Variants in LZTR1 observed in about 807,000 individuals in gnomAD.
The protein encoded by LZTR1 is leucine zipper like post translational regulator 1.
LZTR1 carries 260 observed loss-of-function variants against 105.7 expected under a neutral mutation model. The ratio of observed to expected loss-of-function variants is 2.46; its 90% CI spans 2.22 to 2.72. The LOEUF (loss-of-function observed/expected upper bound fraction) is 2.72. Ranked by LOEUF, LZTR1 falls within the 30% of genes most tolerant of loss-of-function variation. The probability of loss-of-function intolerance (pLI) is 0.00; values close to 1 mark genes in which losing one functional copy is unlikely to be tolerated. For synonymous variants in LZTR1, 490 were observed against 476.4 expected, an observed-to-expected ratio of 1.03 and a Z score of -0.37; for missense variants, 1,214 against 1,166.9, an observed-to-expected ratio of 1.04 and a Z score of -0.59.
chr22:20,989,503 C>T (rs772470664), intron 6 of LZTR1, 122 bp from the exon 7 acceptor site: 54 of 831,140 alleles, frequency 6.5e-5, no homozygotes, highest in African/African-American at 8.3e-5. Context: ...GCCTCATGGC[C>T]GCACAAGTCT....
In LZTR1 at chr22:20,996,117, C is replaced by T. The variant is rs201945127; in HGVS notation, c.2219+5C>T. The T allele has an allele frequency of 6.2e-6, 10 of 1,611,134 alleles. No homozygotes were observed. Among genetic ancestry groups the T allele is most frequent in the Admixed American group, 3.3e-5 (2 of 59,982 alleles). On this transcript the variant is annotated splice_donor_5th_base_variant and intron_variant, in intron 18 of 20. Transcript: ENST00000646124. ...CATGCCGCCCGAGGACTCGCTGCAT[C>T]CTCACTCCCCAGTGAACTCCCAGGT...
chr22:20,987,590 A>G lies in LZTR1; in HGVS notation c.400+7A>G, dbSNP rs182805328. 1.9e-6 allele frequency: 3 copies of G among 1,613,746 alleles called. No individual in the cohort carries two copies. Among genetic ancestry groups the G allele is most frequent in the East Asian group, 2.2e-5 (1 of 44,868 alleles). Reference sequence around the variant, plus strand: ...AGCAGCATGTTTGTCTTTGGTAAGCAGCCTCTTGCCTCCCAGGGGCTGTGT... The same window carrying G: ...AGCAGCATGTTTGTCTTTGGTAAGCGGCCTCTTGCCTCCCAGGGGCTGTGT... On this transcript the variant is annotated splice_region_variant and intron_variant, in intron 4 of 20. Transcript: ENST00000646124.
At chr22:20,986,066 G>T in intron 3 of LZTR1, 169 bp downstream of exon 3, 2 of 678,852 alleles carry the variant, frequency 2.9e-6, no homozygotes, top group Middle Eastern at 3.0e-4. Flanking sequence ...CGCCCTGTCA[G>T]GCTGAGGAGA....
intron 4 of LZTR1, 96 bp downstream of exon 4, chr22:20,987,679 T>C: frequency 7.3e-6 from 8 of 1,102,052 alleles, no homozygotes; most frequent in Non-Finnish European, 1.1e-5. Context: ...TCGTGCTGTG[T>C]ACAGCAGGGG....
At chr22:20,983,924 CCTGCCTCT>C (rs1924286066) in intron 2 of LZTR1, among the ~76,000 whole-genome samples, 1 of 152,214 alleles carries the variant, frequency 6.6e-6, no homozygotes, top group Admixed American at 6.5e-5. Context: ...GTAATGCCTC[CCTGCCTCT>C]CTGAGTAAAA....
Position 20,994,282 on chromosome 22 carries a change from GGGGGTGGAGCAGGGTTGGTGTGGGCT to G in LZTR1, c.1615+20_1615+45del. On this transcript the variant is annotated intron_variant, in intron 14 of 20. Coordinates refer to ENST00000646124, the MANE Select transcript of LZTR1 (RefSeq NM_006767.4). ...TACCCACGGAAAGGTCCGCCTGGGTGGGGGTGGAGCAGGGTTGGTGTGGGCTGGGGTGCGGGCAGCAGAGCCAAAAG... is the reference window on the plus strand; with the variant it reads ...TACCCACGGAAAGGTCCGCCTGGGTGGGGGTGCGGGCAGCAGAGCCAAAAG... 1.3e-6 allele frequency: 2 copies of G among 1,596,364 alleles called. No individual in the cohort carries two copies. The highest frequency in any genetic ancestry group is 1.7e-6 in the Non-Finnish European group (2 of 1,178,436).
Position 20,995,524 on chromosome 22 carries a change from C to T in LZTR1, c.1943-222C>T, listed in dbSNP as rs574979360. On this transcript the variant is annotated intron_variant, in intron 16 of 20. Coordinates refer to ENST00000646124, the MANE Select transcript of LZTR1 (RefSeq NM_006767.4). ...ACAGCAAGCTGGGTGGAAGATGAGA[C>T]GCTGGGTGGTGGGCTGTGCGTGGGG... 94 of 711,208 alleles carry T rather than the reference C, an allele frequency of 1.3e-4. 1 individual carries two copies. The highest frequency in any genetic ancestry group is 5.4e-4 in the African/African-American group (31 of 57,274). The allele number at this position is 711,208 out of a possible 1,614,324, so 44.1% of individuals were successfully genotyped here.
Position 20,985,914 on chromosome 22 carries a change from TC to T in LZTR1, c.320+19del. ...CTGGTGCAGGTGGGTGGCCCCGTGC[TC>T]CAGGGCCCTGCCTTTCCTCCTAGAA... On this transcript the variant is annotated intron_variant, in intron 3 of 20. Transcript: ENST00000646124. The T allele has an allele frequency of 6.2e-7, 1 of 1,613,300 alleles. No homozygotes were observed. Among genetic ancestry groups the T allele is most frequent in the Non-Finnish European group, 8.5e-7 (1 of 1,179,312 alleles).
intron 2 of LZTR1, among the ~76,000 whole-genome samples, chr22:20,983,410 C>G (rs1314450158): frequency 6.6e-6 from 1 of 152,248 alleles, no homozygotes; most frequent in Non-Finnish European, 1.5e-5. Context: ...ACTTTTCTTT[C>G]CCTGTGCCTC....
At chr22:20,989,160 C>T (rs567133420) in intron 6 of LZTR1, among the ~76,000 whole-genome samples, 1 of 152,384 alleles carries the variant, frequency 6.6e-6, no homozygotes, top group East Asian at 1.9e-4. Context: ...GGGCGGTGCC[C>T]AGGCTCAGGC....
chr22:20,995,784 G>A lies in LZTR1; in HGVS notation c.1981G>A (p.Gly661Arg), dbSNP rs781255401. Reference sequence around the variant, plus strand: ...CCAGGACATGAAGGCATACCTGGAGGGAGCGGGCGCGGAATTCTGTGACAT... The same window carrying A: ...CCAGGACATGAAGGCATACCTGGAGAGAGCGGGCGCGGAATTCTGTGACAT... Reference protein sequence around the residue: ...LIQDMKAYLEGAGAEFCDITL... With the variant: ...LIQDMKAYLERAGAEFCDITL... Residue 661 changes from glycine to arginine, a missense_variant, in exon 17 of 21, where the codon GGA (glycine) becomes AGA (arginine). Transcript: ENST00000646124. 3.7e-6 allele frequency: 6 copies of A among 1,613,600 alleles called. No individual in the cohort carries two copies. Among genetic ancestry groups the A allele is most frequent in the Non-Finnish European group, 5.1e-6 (6 of 1,180,006 alleles).
intron 7 of LZTR1, 126 bp from the exon 8 acceptor site, chr22:20,990,260 G>C: frequency 9.2e-7 from 1 of 1,086,788 alleles, no homozygotes; most frequent in Non-Finnish European, 1.4e-6. Flanking sequence ...CAAGACAAAG[G>C]AATCTGTGAA....
intron 8 of LZTR1, chr22:20,990,744 C>A: frequency 1.9e-6 from 1 of 529,886 alleles, no homozygotes. Context: ...CGAGGAGGCC[C>A]CTGGCTAGGC....
rs1381769224 is a variant in LZTR1, at chr22:20,983,764, C to T, written c.263+675C>T. On this transcript the variant is annotated intron_variant, in intron 2 of 20. Coordinates refer to ENST00000646124, the MANE Select transcript of LZTR1 (RefSeq NM_006767.4). ...GATGGTGGGGTAGTCTGGACCCCAC[C>T]AGGATCTGCATACTGGGCAGAAGAG... Among the ~76,000 whole-genome samples, 8 of 152,172 alleles carry T rather than the reference C, an allele frequency of 5.3e-5. No individual in the cohort carries two copies. The East Asian group carries it at 1.3e-3, about 26-fold the overall frequency.
At chr22:20,995,602 G>C (rs1284309309) in intron 16 of LZTR1, 144 bp from the exon 17 acceptor site, 9 of 992,406 alleles carry the variant, frequency 9.1e-6, no homozygotes, top group Non-Finnish European at 1.2e-5. Flanking sequence ...GTGGCTGATG[G>C]TACCTCAGGG....
In LZTR1 at chr22:20,995,470, G is replaced by A. The variant is rs1273220768; in HGVS notation, c.1943-276G>A. 3 of 659,350 alleles carry A rather than the reference G, an allele frequency of 4.5e-6. No homozygotes were observed. Among genetic ancestry groups the A allele is most frequent in the Non-Finnish European group, 5.7e-6 (2 of 348,648 alleles). The allele number at this position is 659,350 out of a possible 1,614,324, so 40.8% of individuals were successfully genotyped here. Reference sequence around the variant, plus strand: ...AGAGGCCATGCAGTGGGCCTGGAGGGGGCTTGATCATGAGGTCAGCGAGGG... The same window carrying A: ...AGAGGCCATGCAGTGGGCCTGGAGGAGGCTTGATCATGAGGTCAGCGAGGG... On this transcript the variant is annotated intron_variant, in intron 16 of 20. Transcript: ENST00000646124.
intron 8 of LZTR1, 108 bp downstream of exon 8, chr22:20,990,633 G>T: frequency 8.4e-7 from 1 of 1,193,798 alleles, no homozygotes. Flanking sequence ...CCATCCTTGT[G>T]AGCTCTGCAA....
intron 2 of LZTR1, among the ~76,000 whole-genome samples, chr22:20,985,483 C>CGGGTGAATAGGGGTTCTGGAGGCTGGG (rs1924347465): frequency 6.6e-6 from 1 of 151,990 alleles, no homozygotes; most frequent in African/African-American, 2.4e-5. Flanking sequence ...GGGATTGGGA[C>CGGGTGAATAGGGGTTCTGGAGGCTGGG]GTGTGAATAG....
intron 20 of LZTR1, 95 bp downstream of exon 20, chr22:20,997,061 T>C (rs1924884414): frequency 7.6e-7 from 1 of 1,316,790 alleles, no homozygotes; most frequent in East Asian, 2.3e-5. Context: ...TCCCCTGCAG[T>C]GGTGGGCCCT....
Sources: allele counts gnomAD v4.1 joint callset (sites outside exome capture counted in the v4.1 genomes callset), GRCh38; gene constraint gnomAD v4.1.1; transcripts MANE v1.5; gene names NCBI Gene and HGNC (gene_info 2026-07-23, HGNC 2026-07-21).